PBRM1: variants seen among roughly 807,000 people sequenced by gnomAD.
The protein encoded by PBRM1 is polybromo 1.
Under a neutral mutation model 194.5 loss-of-function variants are expected in PBRM1, and 27 were observed. The observed-to-expected ratio is 0.14, with a 90% CI of 0.10 to 0.19. The LOEUF (loss-of-function observed/expected upper bound fraction) is 0.19, where lower values mean the gene tolerates loss of function less well. Ranked by LOEUF, PBRM1 falls within the 10% of genes least tolerant of loss-of-function variation. The pLI is 1.00. For synonymous variants in PBRM1, 655 were observed against 693.2 expected (o/e 0.94, Z 0.87); for missense variants, 1,466 against 2,077.2 (o/e 0.71, Z 5.72).
chr3:52,656,581 C>T (rs1443990005), intron 5 of PBRM1, among the ~76,000 whole-genome samples: 1 of 152,220 alleles, frequency 6.6e-6, no homozygotes, highest in African/African-American at 2.4e-5. Flanking sequence ...AGGACAATCG[C>T]TTGAACTCGG....
At chr3:52,653,437 A>G (rs909645803) in intron 5 of PBRM1, among the ~76,000 whole-genome samples, 1 of 151,976 alleles carries the variant, frequency 6.6e-6, no homozygotes, top group African/African-American at 2.4e-5. Flanking sequence ...TAAAAATTCA[A>G]AATTAGCCTG....
intron 17 of PBRM1, among the ~76,000 whole-genome samples, chr3:52,595,036 T>C (rs1013592823): frequency 2.0e-5 from 3 of 152,152 alleles, no homozygotes; most frequent in Admixed American, 6.5e-5. Context: ...TTGGAGATGA[T>C]CTTGTGAAGT....
At chr3:52,558,541 A>G in intron 25 of PBRM1, 128 bp from the exon 28 acceptor site, 2 of 732,332 alleles carry the variant, frequency 2.7e-6, no homozygotes, top group Non-Finnish European at 4.2e-6. Context: ...ACAGTAGATG[A>G]CTAGTCTCAA....
chr3:52,668,238 C>T (rs541182343), intron 3 of PBRM1, among the ~76,000 whole-genome samples: 1 of 152,050 alleles, frequency 6.6e-6, no homozygotes, highest in Non-Finnish European at 1.5e-5. Context: ...CGGAGGCTGC[C>T]ATGAGCCAAG....
At position 52,617,242 on chromosome 3, in the gene PBRM1, G is replaced by T; in HGVS notation, c.1818+20C>A. On this transcript the variant is annotated intron_variant, in intron 14 of 29. Transcript: ENST00000296302. ...TCTCCCGCAAAATGTGCCTACTTCA[G>T]GACCGCTGGCCCTCCTTACCTGGGA... 6.2e-7 allele frequency: 1 copy of T among 1,606,848 alleles called. No homozygotes were observed. Among genetic ancestry groups the T allele is most frequent in the Non-Finnish European group, 8.5e-7 (1 of 1,176,734 alleles).
chr3:52,675,044 G>C (rs1319699363), intron 2 of PBRM1, among the ~76,000 whole-genome samples: 3 of 151,942 alleles, frequency 2.0e-5, no homozygotes, highest in African/African-American at 7.3e-5. Flanking sequence ...ATCATAAAGA[G>C]GAGACATTAC....
At chr3:52,680,467 CTAACTA>C (rs1336782874), upstream of PBRM1, among the ~76,000 whole-genome samples, 20 of 152,146 alleles carry the variant, frequency 1.3e-4, no homozygotes, top group Non-Finnish European at 2.2e-4. Flanking sequence ...ATGACATACT[CTAACTA>C]TAACACGTAC....
chr3:52,651,730 T>G lies in PBRM1; in HGVS notation c.714+12A>C, dbSNP rs768623655. 6.7e-7 allele frequency: 1 copy of G among 1,496,398 alleles called. No homozygotes were observed. Among genetic ancestry groups the G allele is most frequent in the Non-Finnish European group, 9.2e-7 (1 of 1,085,810 alleles). The allele number at this position is 1,496,398 out of a possible 1,614,324, so 92.7% of individuals were successfully genotyped here. ...CTAAACCACAATCATTTACTTATGGTCATCTTCATACCTGTATCCTCTGGG... is the reference window on the plus strand; with the variant it reads ...CTAAACCACAATCATTTACTTATGGGCATCTTCATACCTGTATCCTCTGGG... On this transcript the variant is annotated intron_variant, in intron 6 of 29. Coordinates refer to ENST00000296302, the Ensembl canonical transcript of PBRM1.
rs551963570 is a variant in PBRM1 at position 52,630,593 on chromosome 3, G to A, written c.1302-1558C>T. On this transcript the variant is annotated intron_variant, in intron 11 of 29. Transcript: ENST00000296302. ...TCCCTGTTGCTCTGTAGACCACAAT[G>A]GAAGGGATCGTAGGCACAGTAAGGC... Among the ~76,000 whole-genome samples the A allele has an allele frequency of 8.5e-5, 13 of 152,280 alleles. No homozygotes were observed. In the East Asian group the frequency reaches 2.5e-3, roughly 29 times the overall value.
chr3:52,591,022 A>C (rs1200515726), intron 17 of PBRM1, among the ~76,000 whole-genome samples: 1 of 152,094 alleles, frequency 6.6e-6, no homozygotes, highest in Admixed American at 6.6e-5. Flanking sequence ...TTTTGTGGCA[A>C]TTGTGAATGA....
chr3:52,683,626 C>T (rs985149331), upstream of PBRM1, among the ~76,000 whole-genome samples: 1 of 151,048 alleles, frequency 6.6e-6, no homozygotes, highest in Non-Finnish European at 1.5e-5. Flanking sequence ...CCAGCCTGGC[C>T]AACACGGTGA....
chr3:52,638,444 C>T (rs777130243), intron 10 of PBRM1, among the ~76,000 whole-genome samples: 1 of 151,784 alleles, frequency 6.6e-6, no homozygotes, highest in South Asian at 2.1e-4. Flanking sequence ...CTGCAACCTC[C>T]GCCTCCTGGG....
chr3:52,678,720 T>C (rs2097155091), intron 1 of PBRM1, 123 bp from the exon 3 acceptor site: 4 of 610,482 alleles, frequency 6.6e-6, no homozygotes, highest in South Asian at 6.3e-5. Context: ...TGACTCTCAA[T>C]ATTACCAAAC....
chr3:52,652,920 C>T (rs566162758), intron 5 of PBRM1, among the ~76,000 whole-genome samples: 5 of 152,026 alleles, frequency 3.3e-5, no homozygotes, highest in African/African-American at 1.2e-4. Flanking sequence ...ATCACTTGAG[C>T]GCAGGAGATG....
rs4605534 is a variant in PBRM1 at position 52,554,624 on chromosome 3, G to A, written c.4609+100C>T. On this transcript the variant is annotated intron_variant, in intron 27 of 29. Coordinates refer to ENST00000296302, the Ensembl canonical transcript of PBRM1. ...TGGATTCTCAGGGAGGGAAGGCCTG[G>A]CCACAATGGGCCACGGGTGCCTCCT... 0.029 allele frequency: 30,040 copies of A among 1,023,318 alleles called. 508 individuals are homozygous for A. The highest frequency in any genetic ancestry group is 0.058 in the Middle Eastern group (247 of 4,290). The allele number at this position is 1,023,318 out of a possible 1,614,324, so 63.4% of individuals were successfully genotyped here.
chr3:52,601,274 G>A (rs1398811512), intron 17 of PBRM1, among the ~76,000 whole-genome samples: 3 of 152,162 alleles, frequency 2.0e-5, no homozygotes, highest in South Asian at 2.1e-4. Flanking sequence ...AGCCCCCAAC[G>A]TTTTTGGCAC....
intron 13 of PBRM1, 100 bp from the exon 15 acceptor site, chr3:52,625,041 C>A: frequency 2.4e-6 from 2 of 817,304 alleles, no homozygotes; most frequent in Non-Finnish European, 4.2e-6. Context: ...AAAGATTATT[C>A]AGTCCAAAGT....
At chr3:52,549,355 GGGGT>G (rs2080288268) in intron 29 of PBRM1, among the ~76,000 whole-genome samples, 1 of 151,724 alleles carries the variant, frequency 6.6e-6, no homozygotes, top group African/African-American at 2.4e-5. Flanking sequence ...TTGTAGAGAC[GGGGT>G]TTTGCCATGT....
chr3:52,548,029 T>A (rs1049526974), exon 30 of PBRM1: 14 of 1,577,896 alleles, frequency 8.9e-6, no homozygotes, highest in Non-Finnish European at 1.2e-5. Flanking sequence ...CACAACTCTT[T>A]ATGCTTCTAT....
Sources: gnomAD v4.1 joint callset for allele counts (sites outside exome capture counted in the v4.1 genomes callset) on GRCh38, gnomAD v4.1.1 for gene constraint, MANE v1.5 for transcripts, NCBI Gene and HGNC (gene_info 2026-07-23, HGNC 2026-07-21) for gene names.